The following LUC7L3 variants were observed in gnomAD, a reference collection of about 807,000 sequenced individuals.
The protein encoded by LUC7L3 is luc7-like protein 3.
LUC7L3 carries 6 observed loss-of-function variants against 66.8 expected under a neutral mutation model. The ratio of observed to expected loss-of-function variants is 0.09; its 90% CI spans 0.05 to 0.18. The LOEUF (loss-of-function observed/expected upper bound fraction) is 0.18, where lower values mean the gene tolerates loss of function less well. Ranked by LOEUF, LUC7L3 falls within the 10% of genes least tolerant of loss-of-function variation. LUC7L3 has a pLI of 1.00. For missense variants in LUC7L3, 341 were observed against 531.1 expected (o/e 0.64, Z 3.52); for synonymous variants, 160 against 174.7 (o/e 0.92, Z 0.66).
chr17:50,754,637 T>G lies in LUC7L3; in HGVS notation c.*3976T>G, dbSNP rs1439258106. The stretch of plus-strand genomic sequence containing the variant: ...AGATAATACATATCATGCTCCTTTT[T>G]GTTAAAACGTTTTTTTTTCCCCTTC... On this transcript the variant is annotated 3_prime_UTR_variant, in exon 10 of 10. Transcript: ENST00000505658. 1 of 152,210 alleles carries G rather than the reference T, an allele frequency of 6.6e-6. No homozygotes were observed. The highest frequency in any genetic ancestry group is 2.4e-5 in the African/African-American group (1 of 41,450). The allele number at this position is 152,210 out of a possible 1,614,324, so 9.4% of individuals were successfully genotyped here.
At chr17:50,743,514 A>G (rs562468098) in intron 5 of LUC7L3, among the ~76,000 whole-genome samples, 192 bp from the exon 6 acceptor site, 2 of 152,214 alleles carry the variant, frequency 1.3e-5, no homozygotes, top group South Asian at 2.1e-4. Context: ...CCGAAAGTGC[A>G]TTTTTCTTAA....
chr17:50,743,551 T>TA (rs1330924663), intron 5 of LUC7L3, 155 bp from the exon 6 acceptor site: 13 of 578,340 alleles, frequency 2.2e-5, no homozygotes, highest in East Asian at 1.5e-4. Flanking sequence ...TATTGAAGTA[T>TA]AAAAAAAATC....
chr17:50,752,916 A>G lies in LUC7L3; in HGVS notation c.*2255A>G, dbSNP rs1266961210. ...GCAGTGAACTAGAATATATTTTTACATCCCTGAGAGATTCATTTAGTAGAA... is the reference window on the plus strand; with the variant it reads ...GCAGTGAACTAGAATATATTTTTACGTCCCTGAGAGATTCATTTAGTAGAA... On this transcript the variant is annotated 3_prime_UTR_variant, in exon 10 of 10. Transcript: ENST00000505658. The G allele has an allele frequency of 6.6e-6, 1 of 151,270 alleles. No individual in the cohort carries two copies. The highest frequency in any genetic ancestry group is 1.5e-5 in the Non-Finnish European group (1 of 67,900). 9.4% of individuals were successfully genotyped at this position (151,270 alleles called of 1,614,324 possible).
intron 1 of LUC7L3, among the ~76,000 whole-genome samples, chr17:50,720,511 G>A (rs1968673835): frequency 6.6e-6 from 1 of 152,158 alleles, no homozygotes; most frequent in Non-Finnish European, 1.5e-5. Flanking sequence ...CAAAGTCTTG[G>A]CAACTGAGGA....
Position 50,741,394 on chromosome 17 carries a change from TC to T in LUC7L3, c.351+149del. ...TATAGGGCATTCATTTTTTTTCCAG[TC>T]TTTATTAGCAAACATAACACTGATT... On this transcript the variant is annotated intron_variant, in intron 4 of 9. Transcript: ENST00000505658. 3.6e-6 allele frequency: 3 copies of T among 828,240 alleles called. No homozygotes were observed. The South Asian group carries it at 6.1e-5, about 17-fold the overall frequency. 51.3% of individuals were successfully genotyped at this position (828,240 alleles called of 1,614,324 possible). A position where few individuals can be genotyped will look rare whatever the true frequency, so the allele number is the denominator to read the frequency against.
Position 50,751,058 on chromosome 17 carries a change from G to A in LUC7L3, c.*397G>A. On this transcript the variant is annotated 3_prime_UTR_variant, in exon 10 of 10. Transcript: ENST00000505658. ...TTCTTTTTGGTATTAAGTCCATCTT[G>A]TGTTGGTACATTGGCAGAGACATAT... is the stretch of plus-strand genomic sequence containing the variant. 2.8e-6 allele frequency: 4 copies of A among 1,423,464 alleles called. No homozygotes were observed. The highest frequency in any genetic ancestry group is 3.0e-5 in the Admixed American group (1 of 32,974). The allele number at this position is 1,423,464 out of a possible 1,614,324, so 88.2% of individuals were successfully genotyped here.
intron 2 of LUC7L3, among the ~76,000 whole-genome samples, chr17:50,739,638 A>G (rs1424304878): frequency 7.4e-6 from 1 of 134,996 alleles, no homozygotes; most frequent in South Asian, 2.4e-4. Flanking sequence ...TGGGCGACAG[A>G]GCAAGACTCT....
At chr17:50,747,120 G>C (rs1165470096) in intron 9 of LUC7L3, among the ~76,000 whole-genome samples, 1 of 151,474 alleles carries the variant, frequency 6.6e-6, no homozygotes, top group Non-Finnish European at 1.5e-5. Flanking sequence ...ATTCATTTAA[G>C]TTAGTAATTA....
intron 1 of LUC7L3, among the ~76,000 whole-genome samples, chr17:50,730,191 C>T (rs745996405): frequency 4.6e-5 from 7 of 151,722 alleles, no homozygotes; most frequent in Non-Finnish European, 8.8e-5. Flanking sequence ...GGGCTGGTCT[C>T]GAACTCCTGA....
rs77278726 is a variant in LUC7L3, at chr17:50,749,763, A to G, written c.1139-738A>G. ...TACTTGGAACTGAAAAGGCTAGACT[A>G]TGCTTGCTCTGGTGTACTACTTTTA... On this transcript the variant is annotated intron_variant, in intron 9 of 9. Transcript: ENST00000505658. Among the ~76,000 whole-genome samples the G allele has an allele frequency of 1.3e-4, 20 of 152,342 alleles. No homozygotes were observed. In the East Asian group the frequency reaches 3.5e-3, roughly 26 times the overall value.
chr17:50,744,349 G>C (rs1208994081), intron 6 of LUC7L3, among the ~76,000 whole-genome samples: 2 of 152,218 alleles, frequency 1.3e-5, no homozygotes, highest in Non-Finnish European at 2.9e-5. Flanking sequence ...CCTAAGCAAG[G>C]AATGTATTCA....
At chr17:50,719,857 G>T (rs752075553) in intron 1 of LUC7L3, 26 bp downstream of exon 1, 6 of 1,585,364 alleles carry the variant, frequency 3.8e-6, no homozygotes, top group Admixed American at 1.8e-5. Flanking sequence ...CTTGGCCTGA[G>T]CCCGGGCTCC....
intron 1 of LUC7L3, among the ~76,000 whole-genome samples, chr17:50,729,894 CATTA>C (rs1480932781): frequency 7.7e-5 from 8 of 103,290 alleles, no homozygotes; most frequent in Admixed American, 1.2e-4. Context: ...AATATAAATA[CATTA>C]TATATATATA....
At chr17:50,743,342 G>A (rs781620085) in intron 5 of LUC7L3, among the ~76,000 whole-genome samples, 20 of 152,044 alleles carry the variant, frequency 1.3e-4, no homozygotes, top group Non-Finnish European at 2.2e-4. Context: ...GGGATTACAG[G>A]TGCCCACCAC....
At chr17:50,746,026 C>T in intron 8 of LUC7L3, 23 bp downstream of exon 8, 1 of 1,564,782 alleles carries the variant, frequency 6.4e-7, no homozygotes, top group Non-Finnish European at 8.6e-7. Context: ...CACCCTAAGA[C>T]TGTCCAGCTC....
chr17:50,749,553 T>G (rs1337354555), intron 9 of LUC7L3, among the ~76,000 whole-genome samples: 1 of 152,230 alleles, frequency 6.6e-6, no homozygotes, highest in Non-Finnish European at 1.5e-5. Context: ...CTTTCCTAGA[T>G]ATTTGGTGTT....
At chr17:50,745,414 T>C (rs1355492743) in intron 7 of LUC7L3, among the ~76,000 whole-genome samples, 4 of 152,240 alleles carry the variant, frequency 2.6e-5, no homozygotes, top group Non-Finnish European at 5.9e-5. Context: ...TATGACCCTC[T>C]CATTGATATT....
chr17:50,734,409 C>T (rs1340769996), intron 1 of LUC7L3, among the ~76,000 whole-genome samples: 1 of 152,156 alleles, frequency 6.6e-6, no homozygotes, highest in Non-Finnish European at 1.5e-5. Context: ...TCAGGTGATC[C>T]TCCCGCCTTG....
chr17:50,748,835 T>C (rs927122105), intron 9 of LUC7L3, among the ~76,000 whole-genome samples: 9 of 151,906 alleles, frequency 5.9e-5, no homozygotes, highest in African/African-American at 1.7e-4. Flanking sequence ...GAAAATGCTA[T>C]GTAAAAATAA....
Sources: gnomAD v4.1 joint callset for allele counts (sites outside exome capture counted in the v4.1 genomes callset) on GRCh38, gnomAD v4.1.1 for gene constraint, MANE v1.5 for transcripts, NCBI Gene and HGNC (gene_info 2026-07-23, HGNC 2026-07-21) for gene names.